Variants in SLC16A12 observed in about 807,000 individuals in gnomAD.
SLC16A12 encodes monocarboxylate transporter 12.
A neutral mutation model predicts 42.4 loss-of-function variants in SLC16A12; 17 were observed. That is an observed-to-expected ratio of 0.40 (90% CI 0.27 to 0.60). The LOEUF (loss-of-function observed/expected upper bound fraction) is 0.60, where lower values mean the gene tolerates loss of function less well. Among genes scored for constraint, SLC16A12 ranks in the 20% least tolerant of loss-of-function variants. The pLI, the probability that SLC16A12 is intolerant of heterozygous loss-of-function variation, is 0.42. For synonymous variants in SLC16A12, 224 were observed against 229.4 expected (o/e 0.98, Z 0.21); for missense variants, 544 against 623.0 (o/e 0.87, Z 1.35).
At chr10:89,437,276 T>G (rs1466387585) in intron 6 of SLC16A12, among the ~76,000 whole-genome samples, 1 of 152,242 alleles carries the variant, frequency 6.6e-6, no homozygotes, top group Non-Finnish European at 1.5e-5. Context: ...TTAATTTTCC[T>G]GATAACTCCA....
At chr10:89,449,677 C>G (rs142672629) in intron 3 of SLC16A12, among the ~76,000 whole-genome samples, 2,291 of 152,246 alleles carry the variant, frequency 0.015, 30 homozygotes, top group Non-Finnish European at 0.022. Context: ...CTAGGCAATA[C>G]CATTCAGGAC....
At chr10:89,546,059 T>A (rs1843741149) in intron 2 of SLC16A12, among the ~76,000 whole-genome samples, 1 of 151,678 alleles carries the variant, frequency 6.6e-6, no homozygotes, top group African/African-American at 2.4e-5. Context: ...ATTAAAGACT[T>A]AACTGTAAAA....
chr10:89,542,590 C>T (rs1843721576), intron 2 of SLC16A12, among the ~76,000 whole-genome samples: 1 of 152,180 alleles, frequency 6.6e-6, no homozygotes, highest in Non-Finnish European at 1.5e-5. Flanking sequence ...ACGTGTGAGC[C>T]ACAGTGTCTG....
intron 2 of SLC16A12, among the ~76,000 whole-genome samples, chr10:89,481,323 G>A (rs977854963): frequency 6.6e-6 from 1 of 152,098 alleles, no homozygotes; most frequent in African/African-American, 2.4e-5. Flanking sequence ...CTTGTACATA[G>A]TGGCAACTAA....
Position 89,497,461 on chromosome 10 carries a change from T to A in SLC16A12, c.-46-34837A>T, listed in dbSNP as rs543602780. On this transcript the variant is annotated intron_variant, in intron 2 of 7. Coordinates refer to ENST00000371790, the MANE Select transcript of SLC16A12 (RefSeq NM_213606.4). ...TTTTTTGGACCAAATTGCTGGGAAC[T>A]CAAAGACCAGGTCTTTTCAAATGAA... is the stretch of plus-strand genomic sequence containing the variant. Among the ~76,000 whole-genome samples the A allele has an allele frequency of 1.4e-3, 218 of 152,282 alleles. 2 individuals carry two copies. The highest frequency in any genetic ancestry group is 0.012 in the South Asian group (56 of 4,828).
chr10:89,519,719 A>G (rs1024339419), intron 2 of SLC16A12, among the ~76,000 whole-genome samples: 1 of 150,786 alleles, frequency 6.6e-6, no homozygotes, highest in Admixed American at 6.6e-5. Flanking sequence ...CATCATTTTT[A>G]TTGTCATTGC....
intron 2 of SLC16A12, among the ~76,000 whole-genome samples, chr10:89,477,390 C>G (rs187747661): frequency 0.01 from 1,559 of 152,024 alleles, 13 homozygotes; most frequent in Non-Finnish European, 0.016. Context: ...CATGGAGGAA[C>G]CCCATCTCTA....
In SLC16A12 at chr10:89,430,985, T is replaced by A; in HGVS notation, c.*2079A>T. ...ATATAACTTCATCTTAACTTTGACA[T>A]TTTACAGATACCTTCCAATTTTTTT... On this transcript the variant is annotated 3_prime_UTR_variant, in exon 8 of 8. Coordinates refer to ENST00000371790, the MANE Select transcript of SLC16A12 (RefSeq NM_213606.4). 3.5e-6 allele frequency: 1 copy of A among 287,504 alleles called. No individual in the cohort carries two copies. The highest frequency in any genetic ancestry group is 6.5e-6 in the Non-Finnish European group (1 of 153,112). The allele number at this position is 287,504 out of a possible 1,614,324, so 17.8% of individuals were successfully genotyped here.
At chr10:89,508,447 G>A (rs1436008657) in intron 2 of SLC16A12, among the ~76,000 whole-genome samples, 1 of 152,190 alleles carries the variant, frequency 6.6e-6, no homozygotes, top group Non-Finnish European at 1.5e-5. Flanking sequence ...ACAGCTACAT[G>A]GAAACTGAAC....
chr10:89,450,874 A>G (rs1842084585), intron 3 of SLC16A12, among the ~76,000 whole-genome samples: 1 of 152,228 alleles, frequency 6.6e-6, no homozygotes, highest in Non-Finnish European at 1.5e-5. Flanking sequence ...ATTACTTTAC[A>G]ATAAACATGA....
At chr10:89,467,314 G>GTGATGA (rs1842418560) in intron 2 of SLC16A12, among the ~76,000 whole-genome samples, 1 of 152,188 alleles carries the variant, frequency 6.6e-6, no homozygotes, top group Non-Finnish European at 1.5e-5. Flanking sequence ...TAATGTGATG[G>GTGATGA]ATCATGAATT....
intron 2 of SLC16A12, among the ~76,000 whole-genome samples, chr10:89,548,751 G>T (rs537430481): frequency 1.3e-5 from 2 of 152,198 alleles, no homozygotes; most frequent in Non-Finnish European, 2.9e-5. Flanking sequence ...GGGAGGCAGA[G>T]GTTGCAATGA....
intron 2 of SLC16A12, among the ~76,000 whole-genome samples, chr10:89,463,707 A>G (rs1842341910): frequency 6.6e-6 from 1 of 152,156 alleles, no homozygotes. Flanking sequence ...AGGCTTGGGG[A>G]AAAAAACATT....
chr10:89,463,442 C>A (rs1842335900), intron 2 of SLC16A12, among the ~76,000 whole-genome samples: 1 of 152,100 alleles, frequency 6.6e-6, no homozygotes, highest in African/African-American at 2.4e-5. Context: ...TTATTCACCA[C>A]ATTCTGTTCA....
At chr10:89,519,883 G>A (rs1282225268) in intron 2 of SLC16A12, among the ~76,000 whole-genome samples, 1 of 152,144 alleles carries the variant, frequency 6.6e-6, no homozygotes, top group East Asian at 1.9e-4. Flanking sequence ...GGGAGGCTGA[G>A]GCGGGCAGAT....
chr10:89,438,527 C>T, intron 6 of SLC16A12, 77 bp downstream of exon 6: 2 of 1,298,692 alleles, frequency 1.5e-6, no homozygotes, highest in Non-Finnish European at 1.1e-6. Context: ...AGGTACTCCA[C>T]AGGGTAAGGG....
chr10:89,523,933 G>A (rs1042618607), intron 2 of SLC16A12, among the ~76,000 whole-genome samples: 3 of 152,166 alleles, frequency 2.0e-5, no homozygotes, highest in Admixed American at 6.5e-5. Context: ...CCTGGGTATC[G>A]CGTGAGCACA....
intron 3 of SLC16A12, among the ~76,000 whole-genome samples, chr10:89,449,117 C>A (rs1842049659): frequency 6.6e-6 from 1 of 152,158 alleles, no homozygotes; most frequent in African/African-American, 2.4e-5. Flanking sequence ...AGGACACAAA[C>A]AAATGGAATA....
chr10:89,554,099 A>AGGAAGGAAGGAAG (rs1564607193), intron 2 of SLC16A12, among the ~76,000 whole-genome samples: 1 of 14,432 alleles, frequency 6.9e-5, no homozygotes, highest in African/African-American at 2.9e-4. Context: ...AAAGAAAGAA[A>AGGAAGGAAGGAAG]GAAGGAAGGA....
Sources: allele counts gnomAD v4.1 joint callset (sites outside exome capture counted in the v4.1 genomes callset), GRCh38; gene constraint gnomAD v4.1.1; transcripts MANE v1.5; gene names NCBI Gene and HGNC (gene_info 2026-07-23, HGNC 2026-07-21).